SMR3A: variants seen among roughly 807,000 people sequenced by gnomAD.
SMR3A encodes the protein submaxillary gland androgen regulated protein 3A, also known as submaxillary gland androgen-regulated protein 3A.
For missense variants in SMR3A, 188 were observed against 163.0 expected, an observed-to-expected ratio of 1.15 and a Z score of -0.84; for synonymous variants, 48 against 57.4, an observed-to-expected ratio of 0.84 and a Z score of 0.74.
Position 70,366,679 on chromosome 4 carries a change from T to C in SMR3A, c.90T>C (p.Tyr30=), listed in dbSNP as rs774452108. The change falls in exon 3 of 3, where the codon TAT becomes TAC. Residue 30 remains tyrosine (Y), a synonymous_variant. Coordinates refer to ENST00000226460, the MANE Select transcript of SMR3A (RefSeq NM_012390.4). ...GESQRGPRGP[Y]PPGPLAPPPP... ...GTCAAAGAGGCCCCAGGGGACCATA[T>C]CCACCTGGACCACTGGCTCCTCCTC... The C allele has an allele frequency of 6.2e-7, 1 of 1,612,696 alleles. No homozygotes were observed. The highest frequency in any genetic ancestry group is 8.5e-7 in the Non-Finnish European group (1 of 1,179,254).
intron 1 of SMR3A, among the ~76,000 whole-genome samples, chr4:70,361,461 A>G (rs1376789930): frequency 6.6e-6 from 1 of 151,864 alleles, no homozygotes; most frequent in East Asian, 1.9e-4. Flanking sequence ...GGACTCCTCC[A>G]TATTCTCTGA....
At position 70,365,234 on chromosome 4, in the gene SMR3A, T is replaced by C. The variant is rs1577870022; in HGVS notation, c.55-1410T>C. 2.6e-5 allele frequency among the ~76,000 whole-genome samples: 4 copies of C among 152,142 alleles called. No homozygotes were observed. The East Asian group carries it at 5.8e-4, about 22-fold the overall frequency. ...CTAATGTATTTGTTCCTTGCACTACTTTTCAGCTATTTTTAGATTTTTAAT... is the reference window on the plus strand; with the variant it reads ...CTAATGTATTTGTTCCTTGCACTACCTTTCAGCTATTTTTAGATTTTTAAT... On this transcript the variant is annotated intron_variant, in intron 2 of 2. Coordinates refer to ENST00000226460, the MANE Select transcript of SMR3A (RefSeq NM_012390.4).
rs1358694280 is a variant in SMR3A, at chr4:70,366,933, G to A, written c.344G>A (p.Gly115Glu). Residue 115 changes from glycine (G) to glutamate (E), a missense_variant, in exon 3 of 3, where the codon GGA (glycine) becomes GAA (glutamate). Coordinates refer to ENST00000226460, the MANE Select transcript of SMR3A (RefSeq NM_012390.4). ...TCCCAACCAAGACCCTATCCACCTG[G>A]ACCTCCATTTTTCCCTGTAAATTCT... ...PPSQPRPYPP[G>E]PPFFPVNSPT... 1 of 1,613,324 alleles carries A rather than the reference G, an allele frequency of 6.2e-7. No homozygotes were observed. Among genetic ancestry groups the A allele is most frequent in the East Asian group, 2.2e-5 (1 of 44,810 alleles).
At position 70,362,140 on chromosome 4, in the gene SMR3A, G is replaced by C. The variant is rs780394683; in HGVS notation, c.25G>C (p.Gly9Arg). Residue 9 changes from glycine (G) to arginine (R), a missense_variant, in exon 2 of 3, where the codon GGC becomes CGC. Coordinates refer to ENST00000226460, the MANE Select transcript of SMR3A (RefSeq NM_012390.4). MKSLTWIL[G>R]LWALAACFTP... The stretch of plus-strand genomic sequence containing the variant: ...GATGAAATCACTGACTTGGATCTTG[G>C]GCCTTTGGGCTCTTGCAGCGTGTTT... 1 of 1,611,738 alleles carries C rather than the reference G, an allele frequency of 6.2e-7. No homozygotes were observed. Among genetic ancestry groups the C allele is most frequent in the African/African-American group, 1.3e-5 (1 of 74,864 alleles).
intron 2 of SMR3A, among the ~76,000 whole-genome samples, chr4:70,365,656 C>G (rs1207413759): frequency 6.6e-6 from 1 of 152,004 alleles, no homozygotes; most frequent in African/African-American, 2.4e-5. Flanking sequence ...CATTTATCCC[C>G]CCCTGTATTG....
At chr4:70,363,238 T>A (rs1479584590) in intron 2 of SMR3A, among the ~76,000 whole-genome samples, 1 of 151,984 alleles carries the variant, frequency 6.6e-6, no homozygotes, top group East Asian at 1.9e-4. Context: ...AAAACAGAGC[T>A]TTCCAATAAT....
intron 2 of SMR3A, among the ~76,000 whole-genome samples, chr4:70,364,048 G>T (rs1361392557): frequency 6.6e-6 from 1 of 151,866 alleles, no homozygotes; most frequent in Non-Finnish European, 1.5e-5. Flanking sequence ...AACTTTTACC[G>T]GCATGTTAAG....
Position 70,367,149 on chromosome 4 carries a change from A to C in SMR3A, c.*155A>C, listed in dbSNP as rs986373576. On this transcript the variant is annotated 3_prime_UTR_variant, in exon 3 of 3. Coordinates refer to ENST00000226460, the MANE Select transcript of SMR3A (RefSeq NM_012390.4). ...TTTTTGGATGAGAATAAAGATTTCCAAAGCACTGAGCTTTTGGGAGAAATA... is the reference window on the plus strand; with the variant it reads ...TTTTTGGATGAGAATAAAGATTTCCCAAGCACTGAGCTTTTGGGAGAAATA... The C allele has an allele frequency of 1.5e-6, 1 of 686,586 alleles. No homozygotes were observed. The highest frequency in any genetic ancestry group is 1.8e-5 in the African/African-American group (1 of 55,290). 42.5% of individuals were successfully genotyped at this position (686,586 alleles called of 1,614,324 possible).
At chr4:70,364,635 A>C (rs1732222545) in intron 2 of SMR3A, among the ~76,000 whole-genome samples, 1 of 152,004 alleles carries the variant, frequency 6.6e-6, no homozygotes, top group African/African-American at 2.4e-5. Flanking sequence ...TTCGTTTCTA[A>C]TTGCCTGAAA....
At chr4:70,362,197 T>C (rs1318674571) in intron 2 of SMR3A, 28 bp downstream of exon 2, 2 of 1,611,220 alleles carry the variant, frequency 1.2e-6, no homozygotes, top group Non-Finnish European at 1.7e-6. Flanking sequence ...CGATCACACA[T>C]CTTTATACTT....
chr4:70,366,313 C>G (rs1453508300), intron 2 of SMR3A, among the ~76,000 whole-genome samples: 1 of 15,276 alleles, frequency 6.5e-5, no homozygotes, highest in Admixed American at 8.0e-4. Flanking sequence ...ACTGAAGCCC[C>G]TATTTTTTTT....
chr4:70,365,706 A>AC (rs1420857342), intron 2 of SMR3A, among the ~76,000 whole-genome samples: 1 of 152,004 alleles, frequency 6.6e-6, no homozygotes, highest in African/African-American at 2.4e-5. Context: ...ACATGTTTGT[A>AC]CCCCTGGCAA....
At chr4:70,362,221 T>C in intron 2 of SMR3A, 52 bp downstream of exon 2, 1 of 1,608,040 alleles carries the variant, frequency 6.2e-7, no homozygotes, top group Non-Finnish European at 8.5e-7. Flanking sequence ...CATTAACCAT[T>C]ACTTCAGATT....
chr4:70,361,998 C>T lies in SMR3A; in HGVS notation c.-14-104C>T, dbSNP rs1230028588. 5.9e-6 allele frequency: 9 copies of T among 1,516,536 alleles called. No homozygotes were observed. In the East Asian group the frequency reaches 1.2e-4, roughly 20 times the overall value. The allele number at this position is 1,516,536 out of a possible 1,614,324, so 93.9% of individuals were successfully genotyped here. On this transcript the variant is annotated intron_variant, in intron 1 of 2. Coordinates refer to ENST00000226460, the MANE Select transcript of SMR3A (RefSeq NM_012390.4). ...TTAGGCAAATTTCCTAAAAAGGCTACAGTAGTATATCTGTACTACATTATA... is the reference window on the plus strand; with the variant it reads ...TTAGGCAAATTTCCTAAAAAGGCTATAGTAGTATATCTGTACTACATTATA...
chr4:70,365,749 C>T (rs1000440092), intron 2 of SMR3A, among the ~76,000 whole-genome samples: 3 of 151,998 alleles, frequency 2.0e-5, no homozygotes, highest in African/African-American at 7.2e-5. Context: ...CATGAATGAA[C>T]CAGCTCCTTC....
Position 70,367,145 on chromosome 4 carries a change from T to G in SMR3A, c.*151T>G. 1.4e-6 allele frequency: 1 copy of G among 704,764 alleles called. No individual in the cohort carries two copies. The highest frequency in any genetic ancestry group is 2.3e-6 in the Non-Finnish European group (1 of 427,732). 43.7% of individuals were successfully genotyped at this position (704,764 alleles called of 1,614,324 possible). ...TCCATTTTTGGATGAGAATAAAGAT[T>G]TCCAAAGCACTGAGCTTTTGGGAGA... On this transcript the variant is annotated 3_prime_UTR_variant, in exon 3 of 3. Transcript: ENST00000226460.
chr4:70,365,989 T>C (rs1254195243), intron 2 of SMR3A, among the ~76,000 whole-genome samples: 1 of 152,170 alleles, frequency 6.6e-6, no homozygotes, highest in Non-Finnish European at 1.5e-5. Context: ...CAAGCTTTCA[T>C]TGAGAGCCTA....
intron 2 of SMR3A, among the ~76,000 whole-genome samples, chr4:70,365,185 T>C (rs1732232725): frequency 6.6e-6 from 1 of 152,024 alleles, no homozygotes; most frequent in Admixed American, 6.6e-5. Flanking sequence ...CATTTTCCTA[T>C]CCAGAACTGA....
intron 2 of SMR3A, among the ~76,000 whole-genome samples, chr4:70,363,430 C>A (rs1396088838): frequency 6.6e-6 from 1 of 151,904 alleles, no homozygotes; most frequent in African/African-American, 2.4e-5. Context: ...AGGTAATTTT[C>A]CAAATGCATT....
Sources: gnomAD v4.1 joint callset for allele counts (sites outside exome capture counted in the v4.1 genomes callset) on GRCh38, gnomAD v4.1.1 for gene constraint, MANE v1.5 for transcripts, NCBI Gene and HGNC (gene_info 2026-07-23, HGNC 2026-07-21) for gene names.